Variants in SCAF8 observed in about 807,000 individuals in gnomAD.
SCAF8 encodes SR-related and CTD-associated factor 8.
Under a neutral mutation model 140.5 loss-of-function variants are expected in SCAF8, and 23 were observed. The ratio of observed to expected loss-of-function variants is 0.16; its 90% CI spans 0.12 to 0.23. The LOEUF (loss-of-function observed/expected upper bound fraction) is 0.23, where lower values mean the gene tolerates loss of function less well. SCAF8 is among the 10% of genes least tolerant of loss of function. The pLI is 1.00. For missense variants in SCAF8, 1,397 were observed against 1,555.7 expected (o/e 0.90, Z 1.72); for synonymous variants, 575 against 528.9 (o/e 1.09, Z -1.20).
chr6:154,772,111 A>G lies in SCAF8; in HGVS notation c.31-1878A>G, dbSNP rs1175420764. 1.1e-4 allele frequency among the ~76,000 whole-genome samples: 16 copies of G among 152,192 alleles called. 1 individual carries two copies. In the East Asian group the frequency reaches 2.3e-3, roughly 22 times the overall value. ...GCAAAAATGAGTAGAATTGAATGCT[A>G]TAAGTGGTGCTGAAGTAAAAGCTAT... On this transcript the variant is annotated intron_variant, in intron 1 of 19. Coordinates refer to ENST00000367178, the MANE Select transcript of SCAF8 (RefSeq NM_014892.5).
At chr6:154,788,183 A>G (rs1777309103) in intron 4 of SCAF8, among the ~76,000 whole-genome samples, 161 bp downstream of exon 4, 1 of 152,136 alleles carries the variant, frequency 6.6e-6, no homozygotes, top group Non-Finnish European at 1.5e-5. Context: ...TTGTAATACC[A>G]TATTTTTATT....
chr6:154,755,409 A>C (rs1437553535), intron 1 of SCAF8, among the ~76,000 whole-genome samples: 2 of 152,090 alleles, frequency 1.3e-5, no homozygotes, highest in African/African-American at 4.8e-5. Context: ...GTACACCACC[A>C]TGCCCGGCTA....
intron 1 of SCAF8, among the ~76,000 whole-genome samples, chr6:154,773,635 G>C (rs554381143): frequency 6.6e-6 from 1 of 152,310 alleles, no homozygotes; most frequent in African/African-American, 2.4e-5. Flanking sequence ...CCTAGAAGTG[G>C]AATTGGCTGG....
chr6:154,781,593 A>G lies in SCAF8; in HGVS notation c.159+3548A>G, dbSNP rs566280728. Among the ~76,000 whole-genome samples, 89 of 152,348 alleles carry G rather than the reference A, an allele frequency of 5.8e-4. 1 individual carries two copies. Among genetic ancestry groups the G allele is most frequent in the African/African-American group, 2.1e-3 (88 of 41,578 alleles). ...GCACTACCTGCCTTCAAACTATACT[A>G]CAAGGCTACAGTAACCAGAAGAGAC... On this transcript the variant is annotated intron_variant, in intron 3 of 19. Coordinates refer to ENST00000367178, the MANE Select transcript of SCAF8 (RefSeq NM_014892.5).
Position 154,810,059 on chromosome 6 carries a change from A to T in SCAF8, c.1271A>T (p.Lys424Met). The T allele has an allele frequency of 6.2e-7, 1 of 1,612,744 alleles. No individual in the cohort carries two copies. The highest frequency in any genetic ancestry group is 8.5e-7 in the Non-Finnish European group (1 of 1,179,684). ...TCTAGGTCACGGTCTGGCTCTAGAA[A>T]GCGTAAACACAGAAAGCGATCACGC... Reference protein sequence around the residue: ...RRSRSRSGSRKRKHRKRSRSR... With the variant: ...RRSRSRSGSRMRKHRKRSRSR... Residue 424 changes from lysine (K) to methionine (M), a missense_variant, in exon 12 of 20, where the codon AAG (lysine) becomes ATG (methionine). Transcript: ENST00000367178.
chr6:154,745,847 A>G (rs964308121), intron 1 of SCAF8, among the ~76,000 whole-genome samples: 1 of 151,886 alleles, frequency 6.6e-6, no homozygotes, highest in Non-Finnish European at 1.5e-5. Flanking sequence ...ATATAGGTGT[A>G]TATGCATATT....
chr6:154,772,919 T>C (rs9371826), intron 1 of SCAF8, among the ~76,000 whole-genome samples: 91,531 of 151,708 alleles, frequency 0.6, 30,222 homozygotes, highest in East Asian at 0.91. Flanking sequence ...GCCACCACAC[T>C]AAGCTAATTT....
intron 3 of SCAF8, among the ~76,000 whole-genome samples, chr6:154,779,742 G>A (rs1418665023): frequency 6.6e-6 from 1 of 151,026 alleles, no homozygotes; most frequent in African/African-American, 2.4e-5. Context: ...ACAGATTTGT[G>A]TAATGGTTAA....
chr6:154,765,500 C>A (rs781086391), intron 1 of SCAF8, among the ~76,000 whole-genome samples: 1 of 152,114 alleles, frequency 6.6e-6, no homozygotes, highest in Non-Finnish European at 1.5e-5. Context: ...ATTTTTGTAT[C>A]CAACGAAACT....
chr6:154,745,687 A>T (rs753356969), intron 1 of SCAF8, among the ~76,000 whole-genome samples: 1 of 152,042 alleles, frequency 6.6e-6, no homozygotes, highest in South Asian at 2.1e-4. Context: ...CTTTGATGCA[A>T]ATACCTTGCT....
At chr6:154,784,117 T>TGAGAGA (rs1476096909) in intron 3 of SCAF8, among the ~76,000 whole-genome samples, 30 of 88,856 alleles carry the variant, frequency 3.4e-4, no homozygotes, top group Admixed American at 6.2e-4. Flanking sequence ...TCTGGTGTCT[T>TGAGAGA]GAGATATATA....
chr6:154,801,158 G>A (rs543701156), intron 6 of SCAF8, among the ~76,000 whole-genome samples: 2 of 151,566 alleles, frequency 1.3e-5, no homozygotes, highest in Non-Finnish European at 3.0e-5. Context: ...AAAATGTTTA[G>A]TTGATAGTGA....
chr6:154,763,719 G>C (rs973582969), intron 1 of SCAF8, among the ~76,000 whole-genome samples: 1 of 152,014 alleles, frequency 6.6e-6, no homozygotes, highest in East Asian at 1.9e-4. Flanking sequence ...TGCTCTCCAG[G>C]GGTGTGAGAT....
chr6:154,764,219 A>G (rs1776494660), intron 1 of SCAF8, among the ~76,000 whole-genome samples: 2 of 152,156 alleles, frequency 1.3e-5, no homozygotes, highest in Non-Finnish European at 2.9e-5. Context: ...GAGTTGAAAC[A>G]TAAAGAATGA....
rs1331798790 is a variant in SCAF8 at position 154,802,091 on chromosome 6, G to A, written c.727G>A (p.Ala243Thr). 6.2e-7 allele frequency: 1 copy of A among 1,611,882 alleles called. No individual in the cohort carries two copies. Among genetic ancestry groups the A allele is most frequent in the Admixed American group, 1.7e-5 (1 of 59,812 alleles). ...LQALTAQLTAAAAAANTLTPL... is the reference protein window; with the variant it reads ...LQALTAQLTATAAAANTLTPL... ...AGCTCTTACGGCACAACTTACAGCT[G>A]CAGCTGCAGCTGCCAACACTCTTAC... The change falls in exon 7 of 20, where the codon GCA (alanine) becomes ACA (threonine). Residue 243 changes from alanine (A) to threonine (T), a missense_variant. By Grantham distance (58) the Ala-to-Thr change is moderately conservative. This residue lies in a region of SCAF8 where 339 missense variants were observed against 407.5 expected (regional missense o/e 0.83). Transcript: ENST00000367178.
intron 1 of SCAF8, among the ~76,000 whole-genome samples, chr6:154,759,540 A>G (rs948954964): frequency 5.3e-5 from 8 of 152,182 alleles, no homozygotes; most frequent in Non-Finnish European, 1.0e-4. Context: ...GTTGTAGCCC[A>G]TAGGCAAAGA....
rs79743880 is a variant in SCAF8, at chr6:154,831,646, T to C, written c.2360-293T>C. Among the ~76,000 whole-genome samples, 1,081 of 142,190 alleles carry C rather than the reference T, an allele frequency of 7.6e-3. 34 individuals carry two copies. The highest frequency in any genetic ancestry group is 0.043 in the East Asian group (192 of 4,502). 93.3% of individuals were successfully genotyped at this position (142,190 alleles called of 152,430 possible). A position where few individuals can be genotyped will look rare whatever the true frequency, so the allele number is the denominator to read the frequency against. On this transcript the variant is annotated intron_variant, in intron 19 of 19. Coordinates refer to ENST00000367178, the MANE Select transcript of SCAF8 (RefSeq NM_014892.5). Reference sequence around the variant, plus strand: ...TGCCTGTTTGGGTCTCTTCTAAGCATACTTTTCTTTCCTTTCTTTCCTGTC... The same window carrying C: ...TGCCTGTTTGGGTCTCTTCTAAGCACACTTTTCTTTCCTTTCTTTCCTGTC...
Position 154,795,107 on chromosome 6 carries a change from G to A in SCAF8, c.574G>A (p.Ala192Thr), listed in dbSNP as rs779025149. The A allele has an allele frequency of 4.3e-6, 7 of 1,612,644 alleles. No homozygotes were observed. In the South Asian group the frequency reaches 7.7e-5, roughly 18 times the overall value. ...ITNTDTLAAV[A>T]QILQSPQGQQ... is the part of the protein sequence containing the mutation. ...AAATACAGATACACTTGCGGCTGTA[G>A]CTCAGATCTTGCAAAGTCCTCAAGG... The change falls in exon 6 of 20, where the codon GCT becomes ACT. Residue 192 changes from alanine (A) to threonine (T), a missense_variant. By Grantham distance (58) the Ala-to-Thr change is moderately conservative. Coordinates refer to ENST00000367178, the MANE Select transcript of SCAF8 (RefSeq NM_014892.5).
intron 1 of SCAF8, among the ~76,000 whole-genome samples, chr6:154,745,208 T>G (rs1778668567): frequency 6.6e-6 from 1 of 152,202 alleles, no homozygotes; most frequent in African/African-American, 2.4e-5. Flanking sequence ...TAGGCCAGTA[T>G]TTTTAGAATT....
Sources: allele counts gnomAD v4.1 joint callset (sites outside exome capture counted in the v4.1 genomes callset), GRCh38; gene constraint gnomAD v4.1.1; regional missense constraint gnomAD v4.1.1; transcripts MANE v1.5; gene names NCBI Gene and HGNC (gene_info 2026-07-23, HGNC 2026-07-21).